Variants in FBXW11 observed in about 807,000 individuals in gnomAD.
The protein encoded by FBXW11 is F-box/WD repeat-containing protein 11.
A neutral mutation model predicts 77.6 loss-of-function variants in FBXW11; 19 were observed. That is an observed-to-expected ratio of 0.24 (90% CI 0.17 to 0.36). The LOEUF (loss-of-function observed/expected upper bound fraction) is 0.36. FBXW11 is among the 10% of genes least tolerant of loss of function. The pLI is 1.00. For missense variants in FBXW11, 334 were observed against 704.2 expected (o/e 0.47, Z 5.95); for synonymous variants, 235 against 249.4 (o/e 0.94, Z 0.54).
rs557395550 is a variant in FBXW11 at position 171,967,806 on chromosome 5, T to G, written c.46-10108A>C. ...GTGAGCCAAGATCACGCCACTGCAC[T>G]CTAGCCTGGGCAACAAGAGCGAGAC... On this transcript the variant is annotated intron_variant, in intron 1 of 13. Transcript: ENST00000517395. Among the ~76,000 whole-genome samples the G allele has an allele frequency of 2.7e-5, 4 of 145,754 alleles. No homozygotes were observed. In the East Asian group the frequency reaches 8.0e-4, roughly 29 times the overall value.
chr5:171,878,589 T>A lies in FBXW11; in HGVS notation c.853-460A>T, dbSNP rs200896364. Among the ~76,000 whole-genome samples, 338 of 45,960 alleles carry A rather than the reference T, an allele frequency of 7.4e-3. 5 individuals are homozygous for A. The highest frequency in any genetic ancestry group is 0.048 in the East Asian group (53 of 1,104). 30.2% of individuals were successfully genotyped at this position (45,960 alleles called of 152,430 possible). ...GTGTGTGTGTGTGTGTGTGTGTGTGTGTAAGAGAGAGAGAGTGTGTGTGTG... is the reference window on the plus strand; with the variant it reads ...GTGTGTGTGTGTGTGTGTGTGTGTGAGTAAGAGAGAGAGAGTGTGTGTGTG... On this transcript the variant is annotated intron_variant, in intron 7 of 13. Coordinates refer to ENST00000517395, the MANE Select transcript of FBXW11 (RefSeq NM_001378974.1).
At chr5:171,972,774 A>G (rs1290694785) in intron 1 of FBXW11, among the ~76,000 whole-genome samples, 1 of 151,930 alleles carries the variant, frequency 6.6e-6, no homozygotes, top group African/African-American at 2.4e-5. Context: ...TGAACTCCTG[A>G]CCTCAGGTGA....
chr5:171,881,756 G>C (rs1314806745), intron 7 of FBXW11, among the ~76,000 whole-genome samples: 1 of 152,220 alleles, frequency 6.6e-6, no homozygotes, highest in Non-Finnish European at 1.5e-5. Flanking sequence ...TTCTTCAACA[G>C]ATAAAGGCCT....
At chr5:171,887,441 TAGAACA>T (rs1470237455) in intron 7 of FBXW11, among the ~76,000 whole-genome samples, 2 of 149,452 alleles carry the variant, frequency 1.3e-5, no homozygotes, top group Non-Finnish European at 3.0e-5. Context: ...TCACCCAAAA[TAGAACA>T]ATAACAGAAA....
intron 7 of FBXW11, 31 bp downstream of exon 7, chr5:171,891,436 A>G: frequency 1.3e-6 from 2 of 1,558,624 alleles, no homozygotes; most frequent in Non-Finnish European, 1.7e-6. Context: ...CACGATTCTA[A>G]AAATAATACA....
intron 8 of FBXW11, among the ~76,000 whole-genome samples, chr5:171,877,646 AAGCAGGGGTGGCGATGCTTCC>A (rs745636259): frequency 1.2e-3 from 189 of 152,124 alleles, no homozygotes; most frequent in Non-Finnish European, 1.6e-3. Flanking sequence ...AGCATGCTTC[AAGCAGGGGTGGCGATGCTTCC>A]AGCAGGGGTG....
intron 2 of FBXW11, among the ~76,000 whole-genome samples, chr5:171,935,740 T>C (rs1463922387): frequency 6.6e-6 from 1 of 152,068 alleles, no homozygotes; most frequent in Non-Finnish European, 1.5e-5. Context: ...AAGGTTTCCT[T>C]GAGTAATCCT....
chr5:171,871,255 G>A (rs1209265506), intron 10 of FBXW11, among the ~76,000 whole-genome samples: 2 of 152,180 alleles, frequency 1.3e-5, no homozygotes, highest in Admixed American at 1.3e-4. Flanking sequence ...CTTCTGGGGA[G>A]ACAGGGATTG....
rs558263430 is a variant in FBXW11 at position 171,972,000 on chromosome 5, C to G, written c.46-14302G>C. ...TAATCCCAGAATTTTGGGAGGCTGA[C>G]ACAGGAGAATTGCTTGAGCCCAGGA... On this transcript the variant is annotated intron_variant, in intron 1 of 13. Coordinates refer to ENST00000517395, the MANE Select transcript of FBXW11 (RefSeq NM_001378974.1). Among the ~76,000 whole-genome samples, 328 of 149,056 alleles carry G rather than the reference C, an allele frequency of 2.2e-3. 1 individual carries two copies. Among genetic ancestry groups the G allele is most frequent in the African/African-American group, 8.0e-3 (319 of 40,092 alleles).
rs1581155817 is a variant in FBXW11, at chr5:171,890,282, G to A, written c.852+1185C>T. The stretch of plus-strand genomic sequence containing the variant: ...GTGGCTGCTCACGCCCGTAATCCCC[G>A]CACTTTGGGGCAGGCGCATTACTTG... On this transcript the variant is annotated intron_variant, in intron 7 of 13. Transcript: ENST00000517395. 4.6e-5 allele frequency among the ~76,000 whole-genome samples: 7 copies of A among 152,172 alleles called. No individual in the cohort carries two copies. The South Asian group carries it at 8.3e-4, about 18-fold the overall frequency.
In FBXW11 at chr5:171,920,017, A is replaced by G. The variant is rs1005204662; in HGVS notation, c.148-5612T>C. 2.6e-5 allele frequency among the ~76,000 whole-genome samples: 4 copies of G among 152,192 alleles called. No individual in the cohort carries two copies. In the South Asian group the frequency reaches 6.2e-4, roughly 24 times the overall value. ...CTAAAAATACAAAAATTAGCCAGGC[A>G]TGGTGGCACATGCCTGTAGTCTCAG... On this transcript the variant is annotated intron_variant, in intron 2 of 13. Transcript: ENST00000517395.
Position 171,872,856 on chromosome 5 carries a change from A to G in FBXW11, c.1340+16T>C, listed in dbSNP as rs1757841568. 2 of 1,595,732 alleles carry G rather than the reference A, an allele frequency of 1.3e-6. No homozygotes were observed. Among genetic ancestry groups the G allele is most frequent in the East Asian group, 4.5e-5 (2 of 44,786 alleles). ...AAAAATCAGCCTGCTCTGTCAGCAC[A>G]CCAACTTCTACCCACCTAATGGTAT... On this transcript the variant is annotated intron_variant, in intron 10 of 13. Coordinates refer to ENST00000517395, the MANE Select transcript of FBXW11 (RefSeq NM_001378974.1).
rs116778610 is a variant in FBXW11 at position 171,997,495 on chromosome 5, C to A, written c.45+8963G>T. ...TATCTACCATAAAGATATTTATTTA[C>A]GTACCTAACAAAATGTTTTGGTTTG... On this transcript the variant is annotated intron_variant, in intron 1 of 13. Transcript: ENST00000517395. 1.3e-3 allele frequency among the ~76,000 whole-genome samples: 191 copies of A among 152,308 alleles called. 1 individual carries two copies. Among genetic ancestry groups the A allele is most frequent in the African/African-American group, 4.4e-3 (181 of 41,568 alleles).
At chr5:171,966,929 A>G (rs1427213905) in intron 1 of FBXW11, among the ~76,000 whole-genome samples, 1 of 152,216 alleles carries the variant, frequency 6.6e-6, no homozygotes, top group Non-Finnish European at 1.5e-5. Flanking sequence ...TTTACAGACA[A>G]GAAAAACTAA....
intron 7 of FBXW11, among the ~76,000 whole-genome samples, chr5:171,888,434 A>G (rs1459114123): frequency 6.6e-6 from 1 of 152,218 alleles, no homozygotes; most frequent in Non-Finnish European, 1.5e-5. Context: ...GTGAAAGCCC[A>G]TGACAGACGC....
intron 2 of FBXW11, among the ~76,000 whole-genome samples, chr5:171,928,998 G>A (rs1762027416): frequency 1.3e-5 from 2 of 152,106 alleles, no homozygotes; most frequent in Non-Finnish European, 2.9e-5. Flanking sequence ...ACTTGAACCT[G>A]GGAGATGGAG....
rs576925850 is a variant in FBXW11, at chr5:171,905,225, G to C, written c.437-5125C>G. Among the ~76,000 whole-genome samples, 7 of 152,274 alleles carry C rather than the reference G, an allele frequency of 4.6e-5. No individual in the cohort carries two copies. In the South Asian group the frequency reaches 1.5e-3, roughly 32 times the overall value. ...AGGTTGCATCTCAGTTCTGTCAACT[G>C]CTAGTTGTGTGACCTTAAGCAGATC... On this transcript the variant is annotated intron_variant, in intron 4 of 13. Coordinates refer to ENST00000517395, the MANE Select transcript of FBXW11 (RefSeq NM_001378974.1).
chr5:171,872,213 AAAAC>A (rs1221096320), intron 10 of FBXW11, among the ~76,000 whole-genome samples: 2 of 152,218 alleles, frequency 1.3e-5, no homozygotes, highest in Non-Finnish European at 2.9e-5. Context: ...CTGCCTTTAA[AAAAC>A]AAAAAACTTT....
intron 1 of FBXW11, among the ~76,000 whole-genome samples, chr5:171,998,661 G>C (rs998071173): frequency 6.6e-6 from 1 of 151,590 alleles, no homozygotes; most frequent in Non-Finnish European, 1.5e-5. Context: ...ACCGGGCCTG[G>C]TGGCACATGC....
Sources: gnomAD v4.1 joint callset for allele counts (sites outside exome capture counted in the v4.1 genomes callset) on GRCh38, gnomAD v4.1.1 for gene constraint, MANE v1.5 for transcripts, NCBI Gene and HGNC (gene_info 2026-07-23, HGNC 2026-07-21) for gene names.